The following CADPS variants were observed in gnomAD, a reference collection of about 807,000 sequenced individuals.
The protein encoded by CADPS is calcium dependent secretion activator, also known as calcium-dependent secretion activator 1.
In CADPS, 57 loss-of-function variants were observed where a neutral mutation model predicts 167.3. The ratio of observed to expected loss-of-function variants is 0.34; its 90% confidence interval spans 0.28 to 0.42. The LOEUF is 0.42. Ranked by LOEUF, CADPS falls within the 20% of genes least tolerant of loss-of-function variation. The pLI is 1.00. For synonymous variants in CADPS, 676 were observed against 635.3 expected (o/e 1.06, Z -0.96); for missense variants, 1,414 against 1,738.1 (o/e 0.81, Z 3.32).
chr3:62,625,660 T>A (rs1365683102), intron 6 of CADPS: 1 of 150,958 alleles, frequency 6.6e-6, no homozygotes, highest in Non-Finnish European at 1.5e-5. Flanking sequence ...GAACCTACGT[T>A]CCCTACACAG....
intron 21 of CADPS, among the ~76,000 whole-genome samples, chr3:62,490,670 A>C (rs1422524922): frequency 6.6e-6 from 1 of 152,246 alleles, no homozygotes; most frequent in Non-Finnish European, 1.5e-5. Context: ...ATCCGGGTTA[A>C]ACAGAGTTAC....
At chr3:62,512,559 T>C (rs1300391040) in intron 17 of CADPS, among the ~76,000 whole-genome samples, 192 bp downstream of exon 17, 2 of 152,154 alleles carry the variant, frequency 1.3e-5, no homozygotes, top group African/African-American at 4.8e-5. Flanking sequence ...TCAGAAATTC[T>C]GCTCTATAAA....
At chr3:62,695,406 T>C (rs2151396029) in intron 3 of CADPS, among the ~76,000 whole-genome samples, 1 of 152,170 alleles carries the variant, frequency 6.6e-6, no homozygotes, top group Non-Finnish European at 1.5e-5. Flanking sequence ...CTGTCTGTTG[T>C]AGGGGAAATT....
At chr3:62,703,825 C>G (rs1470268598) in intron 3 of CADPS, among the ~76,000 whole-genome samples, 1 of 152,118 alleles carries the variant, frequency 6.6e-6, no homozygotes, top group African/African-American at 2.4e-5. Context: ...GAGTAAAGAT[C>G]CCCAATGCAG....
intron 3 of CADPS, among the ~76,000 whole-genome samples, chr3:62,729,262 A>G (rs539142): frequency 0.33 from 49,342 of 151,590 alleles, 9,091 homozygotes; most frequent in African/African-American, 0.48. Flanking sequence ...GAGCATGATC[A>G]CCCTCATAAT....
At chr3:62,666,559 G>A (rs1345442904) in intron 3 of CADPS, among the ~76,000 whole-genome samples, 2 of 152,112 alleles carry the variant, frequency 1.3e-5, no homozygotes, top group Admixed American at 6.6e-5. Flanking sequence ...ATGTACATGC[G>A]CATAAAGGCT....
rs150313435 is a variant in CADPS, at chr3:62,616,022, GT to G, written c.1326-23275del. ...CATCCCTCTCTAAAGATGTCTATGT[GT>G]TTTTTTTCCTTTGCCTACAAATGTT... On this transcript the variant is annotated intron_variant, in intron 6 of 29. Coordinates refer to ENST00000383710, the MANE Select transcript of CADPS (RefSeq NM_003716.4). Among the ~76,000 whole-genome samples the G allele has an allele frequency of 6.9e-3, 1,049 of 151,886 alleles. 9 individuals are homozygous for G. The highest frequency in any genetic ancestry group is 0.024 in the African/African-American group (989 of 41,442).
At chr3:62,854,619 T>C (rs1019655654) in intron 1 of CADPS, among the ~76,000 whole-genome samples, 1 of 152,120 alleles carries the variant, frequency 6.6e-6, no homozygotes, top group Non-Finnish European at 1.5e-5. Flanking sequence ...TGGAGAAAAA[T>C]CTAGGTTGCA....
intron 1 of CADPS, among the ~76,000 whole-genome samples, chr3:62,821,297 T>G (rs752277297): frequency 7.2e-5 from 11 of 151,770 alleles, no homozygotes; most frequent in Admixed American, 6.6e-5. Flanking sequence ...GTTCTCTGCT[T>G]TAGAGTCTCT....
At chr3:62,762,548 T>A (rs959260157) in intron 2 of CADPS, among the ~76,000 whole-genome samples, 2 of 149,684 alleles carry the variant, frequency 1.3e-5, no homozygotes, top group Non-Finnish European at 3.0e-5. Context: ...TCCAACTATA[T>A]GGGAGGCTGA....
At chr3:62,520,815 A>T (rs1055640493) in intron 13 of CADPS, among the ~76,000 whole-genome samples, 1 of 152,240 alleles carries the variant, frequency 6.6e-6, no homozygotes, top group Admixed American at 6.5e-5. Flanking sequence ...TAACCAGGTC[A>T]GTTAAAAAGC....
intron 6 of CADPS, among the ~76,000 whole-genome samples, chr3:62,607,541 T>C (rs1404120657): frequency 2.0e-5 from 3 of 152,224 alleles, no homozygotes; most frequent in Non-Finnish European, 4.4e-5. Flanking sequence ...TTTGTGTCTC[T>C]GAATGGGGAC....
intron 1 of CADPS, among the ~76,000 whole-genome samples, chr3:62,794,700 G>C (rs2093246604): frequency 6.7e-6 from 1 of 149,622 alleles, no homozygotes; most frequent in Non-Finnish European, 1.5e-5. Flanking sequence ...TTTTCCCTAA[G>C]GATGGGAGGG....
chr3:62,642,947 CAAAA>C (rs1288282389), intron 6 of CADPS, among the ~76,000 whole-genome samples: 5 of 151,560 alleles, frequency 3.3e-5, no homozygotes, highest in African/African-American at 7.3e-5. Flanking sequence ...CAAAACAAAA[CAAAA>C]CAAAACAAAA....
Position 62,766,078 on chromosome 3 carries a change from T to C in CADPS, c.442-94A>G, listed in dbSNP as rs1355836423. On this transcript the variant is annotated intron_variant, in intron 1 of 29. Transcript: ENST00000383710. ...TGAAGATGCCAGACCCATTGGTGTA[T>C]TGGAGCTGGCTTGTATAGGTGTGTG... 2.9e-5 allele frequency: 25 copies of C among 848,520 alleles called. No homozygotes were observed. The South Asian group carries it at 3.6e-4, about 12-fold the overall frequency. The allele number at this position is 848,520 out of a possible 1,614,324, so 52.6% of individuals were successfully genotyped here.
chr3:62,739,001 C>T (rs906105000), intron 3 of CADPS, among the ~76,000 whole-genome samples: 5 of 152,156 alleles, frequency 3.3e-5, no homozygotes, highest in African/African-American at 1.2e-4. Context: ...CATAACCTTC[C>T]ACTCTGATTA....
intron 17 of CADPS, among the ~76,000 whole-genome samples, chr3:62,508,795 C>CT (rs1320149108): frequency 1.3e-5 from 2 of 152,100 alleles, no homozygotes; most frequent in East Asian, 1.9e-4. Flanking sequence ...AGCATCACAT[C>CT]TTTTTTTCTG....
chr3:62,400,205 G>GT (rs1705395120), intron 29 of CADPS, among the ~76,000 whole-genome samples: 1 of 152,180 alleles, frequency 6.6e-6, no homozygotes, highest in Non-Finnish European at 1.5e-5. Flanking sequence ...GGAAAGAACT[G>GT]TATCTATTCT....
At chr3:62,819,780 C>G (rs930365735) in intron 1 of CADPS, among the ~76,000 whole-genome samples, 3 of 152,124 alleles carry the variant, frequency 2.0e-5, no homozygotes, top group Non-Finnish European at 4.4e-5. Context: ...ATTCTGTACA[C>G]GTTGTCATAC....
Sources: allele counts gnomAD v4.1 joint callset (sites outside exome capture counted in the v4.1 genomes callset), GRCh38; gene constraint gnomAD v4.1.1; transcripts MANE v1.5; gene names NCBI Gene and HGNC (gene_info 2026-07-23, HGNC 2026-07-21).